SEMA5A: variants seen among roughly 807,000 people sequenced by gnomAD.
SEMA5A encodes the protein semaphorin 5A.
Under a neutral mutation model 135.5 loss-of-function variants are expected in SEMA5A, and 55 were observed. The ratio of observed to expected loss-of-function variants is 0.41; its 90% CI spans 0.33 to 0.51. The LOEUF is 0.51. SEMA5A is among the 20% of genes least tolerant of loss of function. SEMA5A has a pLI of 0.37. For synonymous variants in SEMA5A, 580 were observed against 546.5 expected (o/e 1.06, Z -0.85); for missense variants, 1,290 against 1,419.9 (o/e 0.91, Z 1.47).
intron 5 of SEMA5A, among the ~76,000 whole-genome samples, chr5:9,254,901 C>A (rs566916641): frequency 1.3e-5 from 2 of 152,246 alleles, no homozygotes; most frequent in South Asian, 4.2e-4. Context: ...GATAAGGCAA[C>A]GAGGCTGAAT....
chr5:9,131,347 G>A lies in SEMA5A; in HGVS notation c.1599+5157C>T, dbSNP rs188813249. 4.9e-4 allele frequency among the ~76,000 whole-genome samples: 74 copies of A among 152,110 alleles called. No homozygotes were observed. In the East Asian group the frequency reaches 8.4e-3, roughly 17 times the overall value. ...CTCTCAGCTGGGCGCAGTGGCTCACGCCTGTAATCCCAGCACTTTGGGAGG... is the reference window on the plus strand; with the variant it reads ...CTCTCAGCTGGGCGCAGTGGCTCACACCTGTAATCCCAGCACTTTGGGAGG... On this transcript the variant is annotated intron_variant, in intron 13 of 22. Transcript: ENST00000382496.
At chr5:9,430,702 C>T (rs1312983195) in intron 2 of SEMA5A, among the ~76,000 whole-genome samples, 3 of 152,132 alleles carry the variant, frequency 2.0e-5, no homozygotes, top group Non-Finnish European at 4.4e-5. Context: ...CTGGATTTAG[C>T]AACATGGCGG....
At chr5:9,153,204 A>G (rs1168835991) in intron 12 of SEMA5A, among the ~76,000 whole-genome samples, 1 of 152,180 alleles carries the variant, frequency 6.6e-6, no homozygotes, top group Non-Finnish European at 1.5e-5. Flanking sequence ...GATATATCAA[A>G]AAGGACTATT....
intron 11 of SEMA5A, among the ~76,000 whole-genome samples, chr5:9,186,259 G>T (rs1238124295): frequency 9.9e-5 from 15 of 152,184 alleles, no homozygotes; most frequent in Non-Finnish European, 2.2e-4. Context: ...ATCTGGGGAA[G>T]ACTGCTGACT....
At position 9,122,823 on chromosome 5, in the gene SEMA5A, G is replaced by A. The variant is rs747147008; in HGVS notation, c.1614C>T (p.Thr538=). ...SISACPTRNL[T]VDGHFGVWSP... Reference sequence around the variant, plus strand: ...ACCACACACCAAAGTGCCCATCCACGGTGAGATTCCTGGTCTAGGAAGCAA... The same window carrying A: ...ACCACACACCAAAGTGCCCATCCACAGTGAGATTCCTGGTCTAGGAAGCAA... The change falls in exon 14 of 23, where the codon ACC becomes ACT. Residue 538 remains threonine (T), a synonymous_variant. Coordinates refer to ENST00000382496, the MANE Select transcript of SEMA5A (RefSeq NM_003966.3). 1.2e-5 allele frequency: 20 copies of A among 1,600,168 alleles called. No homozygotes were observed. In the East Asian group the frequency reaches 2.9e-4, roughly 23 times the overall value.
Position 9,202,018 on chromosome 5 carries a change from T to G in SEMA5A, c.869A>C (p.Glu290Ala), listed in dbSNP as rs779953074. 6.2e-7 allele frequency: 1 copy of G among 1,614,152 alleles called. No individual in the cohort carries two copies. Among genetic ancestry groups the G allele is most frequent in the African/African-American group, 1.3e-5 (1 of 75,038 alleles). The change falls in exon 9 of 23, where the codon GAA becomes GCA. Residue 290 changes from glutamate (E) to alanine (A), a missense_variant. This residue lies in a region of SEMA5A where 1,029 missense variants were observed against 1,086.6 expected (regional missense o/e 0.95). Transcript: ENST00000382496. ...AGGCAGGAAGAAAGTACTCTGCAAT[T>G]CGTTGTAGTAAAAGGGGACTTCCCC... The part of the protein sequence containing the change: ...RPGEVPFYYN[E>A]LQSTFFLPEL...
intron 3 of SEMA5A, among the ~76,000 whole-genome samples, chr5:9,355,332 G>C (rs142016895): frequency 6.6e-6 from 1 of 152,192 alleles, no homozygotes; most frequent in Non-Finnish European, 1.5e-5. Context: ...TCTTAGGACT[G>C]TAGCATGGGG....
At chr5:9,350,911 G>C (rs1266447686) in intron 3 of SEMA5A, among the ~76,000 whole-genome samples, 1 of 152,200 alleles carries the variant, frequency 6.6e-6, no homozygotes, top group African/African-American at 2.4e-5. Flanking sequence ...TGAGTTCTGT[G>C]AGTCCTTCTA....
At chr5:9,334,689 T>C (rs570499573) in intron 4 of SEMA5A, among the ~76,000 whole-genome samples, 1 of 152,288 alleles carries the variant, frequency 6.6e-6, no homozygotes, top group South Asian at 2.1e-4. Context: ...CAGCCTCTTT[T>C]TTTTTCTGTT....
At chr5:9,527,062 G>C (rs1247777873) in intron 1 of SEMA5A, among the ~76,000 whole-genome samples, 1 of 151,736 alleles carries the variant, frequency 6.6e-6, no homozygotes. Flanking sequence ...AGTGTGGATG[G>C]AGGCCAGGGA....
intron 1 of SEMA5A, among the ~76,000 whole-genome samples, chr5:9,481,363 G>T (rs557152996): frequency 2.0e-5 from 3 of 152,218 alleles, no homozygotes; most frequent in Admixed American, 6.5e-5. Context: ...GACCTATTTT[G>T]GTGGCTTATT....
At chr5:9,274,401 C>T (rs974859886) in intron 5 of SEMA5A, among the ~76,000 whole-genome samples, 4 of 152,068 alleles carry the variant, frequency 2.6e-5, no homozygotes, top group African/African-American at 9.7e-5. Context: ...TTTTAACACC[C>T]CACAGTCAAT....
intron 1 of SEMA5A, among the ~76,000 whole-genome samples, chr5:9,482,907 C>T (rs1268184871): frequency 6.6e-6 from 1 of 152,186 alleles, no homozygotes; most frequent in Non-Finnish European, 1.5e-5. Flanking sequence ...AGATTGTTTC[C>T]TTTGTCACTC....
intron 1 of SEMA5A, among the ~76,000 whole-genome samples, chr5:9,527,280 A>G (rs147231286): frequency 6.6e-6 from 1 of 152,216 alleles, no homozygotes; most frequent in African/African-American, 2.4e-5. Context: ...GAAAAAGCCA[A>G]CCAGAAGCAG....
At chr5:9,099,699 A>G (rs1170056994) in intron 16 of SEMA5A, among the ~76,000 whole-genome samples, 1 of 152,238 alleles carries the variant, frequency 6.6e-6, no homozygotes, top group Admixed American at 6.5e-5. Flanking sequence ...GGAAATACAA[A>G]GCAGTTAGAA....
chr5:9,475,890 A>G (rs1239630726), intron 1 of SEMA5A, among the ~76,000 whole-genome samples: 2 of 152,252 alleles, frequency 1.3e-5, no homozygotes, highest in African/African-American at 4.8e-5. Context: ...ACAGGTGGAA[A>G]GAAAATCTCC....
intron 5 of SEMA5A, among the ~76,000 whole-genome samples, chr5:9,259,299 A>G (rs1425783480): frequency 2.6e-5 from 4 of 152,222 alleles, no homozygotes; most frequent in Non-Finnish European, 4.4e-5. Context: ...GTTCACTTGA[A>G]ATTATTCTTC....
chr5:9,300,308 G>A (rs10077549), intron 5 of SEMA5A, among the ~76,000 whole-genome samples: 17,483 of 143,808 alleles, frequency 0.12, 1,114 homozygotes, highest in South Asian at 0.22. Flanking sequence ...GACTGCAGGC[G>A]TGAGCCACTG....
At chr5:9,378,511 G>C (rs1455821816) in intron 3 of SEMA5A, among the ~76,000 whole-genome samples, 1 of 152,136 alleles carries the variant, frequency 6.6e-6, no homozygotes, top group Non-Finnish European at 1.5e-5. Flanking sequence ...TCCAAACCTG[G>C]ATCTCAGCAG....
Sources: gnomAD v4.1 joint callset for allele counts (sites outside exome capture counted in the v4.1 genomes callset) on GRCh38, gnomAD v4.1.1 for gene constraint, gnomAD v4.1.1 regional missense constraint, MANE v1.5 for transcripts, NCBI Gene and HGNC (gene_info 2026-07-23, HGNC 2026-07-21) for gene names.